Variants in TFAP2D observed in about 807,000 individuals in gnomAD.
The protein encoded by TFAP2D is transcription factor AP-2-delta.
Under a neutral mutation model 43.6 loss-of-function variants are expected in TFAP2D, and 9 were observed. The observed-to-expected ratio is 0.21, with a 90% CI of 0.12 to 0.36. The LOEUF is 0.36. Among genes scored for constraint, TFAP2D ranks in the 10% least tolerant of loss-of-function variants. The probability of loss-of-function intolerance (pLI) is 1.00; values close to 1 mark genes in which losing one functional copy is unlikely to be tolerated. For missense variants in TFAP2D, 513 were observed against 561.4 expected (o/e 0.91, Z 0.87); for synonymous variants, 256 against 224.9 (o/e 1.14, Z -1.24).
At chr6:50,714,594 A>T (rs1181273698) in intron 1 of TFAP2D, among the ~76,000 whole-genome samples, 1 of 152,098 alleles carries the variant, frequency 6.6e-6, no homozygotes, top group Admixed American at 6.5e-5. Flanking sequence ...GATTTTTTAA[A>T]ATATATGGAC....
At position 50,713,814 on chromosome 6, in the gene TFAP2D, A is replaced by G. The variant is rs1409596244; in HGVS notation, c.-242A>G. ...TCAGCCAAAGAAATACTCAGCAAGTACAAAATCTGTTCCAGGGAGCTGCTT... is the reference window on the plus strand; with the variant it reads ...TCAGCCAAAGAAATACTCAGCAAGTGCAAAATCTGTTCCAGGGAGCTGCTT... On this transcript the variant is annotated 5_prime_UTR_variant, in exon 1 of 8. Coordinates refer to ENST00000008391, the MANE Select transcript of TFAP2D (RefSeq NM_172238.4). 1 of 591,510 alleles carries G rather than the reference A, an allele frequency of 1.7e-6. No homozygotes were observed. Among genetic ancestry groups the G allele is most frequent in the Non-Finnish European group, 2.9e-6 (1 of 340,016 alleles). The allele number at this position is 591,510 out of a possible 1,614,324, so 36.6% of individuals were successfully genotyped here.
intron 5 of TFAP2D, among the ~76,000 whole-genome samples, chr6:50,742,628 AGAT>A (rs888060812): frequency 2.8e-5 from 4 of 141,268 alleles, no homozygotes; most frequent in Non-Finnish European, 4.7e-5. Context: ...ATAGATAGAT[AGAT>A]GATAGATAGA....
At chr6:50,728,720 A>T in intron 3 of TFAP2D, 136 bp from the exon 4 acceptor site, 1 of 782,750 alleles carries the variant, frequency 1.3e-6, no homozygotes, top group Non-Finnish European at 2.0e-6. Flanking sequence ...GCTCCCTGCG[A>T]TGATCTGGGG....
chr6:50,753,692 C>T (rs1439832764), intron 7 of TFAP2D, among the ~76,000 whole-genome samples: 1 of 151,816 alleles, frequency 6.6e-6, no homozygotes, highest in Admixed American at 6.6e-5. Context: ...CATGCATAAC[C>T]ATATCTTAAA....
intron 3 of TFAP2D, among the ~76,000 whole-genome samples, chr6:50,727,602 A>G (rs1039372040): frequency 6.6e-6 from 1 of 152,168 alleles, no homozygotes. Flanking sequence ...CAAAGTAAAA[A>G]TATTTTAGAC....
At chr6:50,757,584 T>G (rs1302204882) in intron 7 of TFAP2D, among the ~76,000 whole-genome samples, 8 of 73,954 alleles carry the variant, frequency 1.1e-4, no homozygotes, top group Admixed American at 2.5e-4. Flanking sequence ...ATATATATAA[T>G]TATTCTATAT....
intron 5 of TFAP2D, among the ~76,000 whole-genome samples, chr6:50,744,191 A>T (rs1438560169): frequency 6.6e-6 from 1 of 151,846 alleles, no homozygotes; most frequent in African/African-American, 2.4e-5. Context: ...GATTCTCTCC[A>T]CCCTCCTACT....
At chr6:50,765,375 A>G (rs1486469493) in intron 7 of TFAP2D, among the ~76,000 whole-genome samples, 1 of 152,226 alleles carries the variant, frequency 6.6e-6, no homozygotes, top group Non-Finnish European at 1.5e-5. Context: ...CTTTAGATAT[A>G]TAACCAGAAA....
intron 7 of TFAP2D, among the ~76,000 whole-genome samples, chr6:50,754,522 A>G (rs1472715600): frequency 1.3e-5 from 2 of 152,002 alleles, no homozygotes; most frequent in Non-Finnish European, 2.9e-5. Flanking sequence ...ATATACACCC[A>G]GAAGTCAAAT....
chr6:50,720,994 C>A (rs1235711267), intron 3 of TFAP2D, among the ~76,000 whole-genome samples: 1 of 152,220 alleles, frequency 6.6e-6, no homozygotes, highest in Non-Finnish European at 1.5e-5. Flanking sequence ...GAGGAAGAGG[C>A]TTTGGAATCA....
At chr6:50,719,495 A>C (rs980556659) in intron 3 of TFAP2D, among the ~76,000 whole-genome samples, 21 of 132,724 alleles carry the variant, frequency 1.6e-4, no homozygotes, top group African/African-American at 5.4e-4. Flanking sequence ...GAAAGAAAGA[A>C]AGAAAGAAGT....
At chr6:50,719,036 G>T in intron 2 of TFAP2D, 54 bp from the exon 3 acceptor site, 6 of 1,552,526 alleles carry the variant, frequency 3.9e-6, no homozygotes, top group Non-Finnish European at 4.4e-6. Flanking sequence ...TACCTACGTG[G>T]TCATGCATAT....
chr6:50,724,139 G>A (rs1303986278), intron 3 of TFAP2D, among the ~76,000 whole-genome samples: 2 of 152,030 alleles, frequency 1.3e-5, no homozygotes, highest in Non-Finnish European at 2.9e-5. Context: ...GGGGGAGGAG[G>A]GTTAGGAAGG....
At chr6:50,716,922 A>G (rs1445298281) in intron 2 of TFAP2D, among the ~76,000 whole-genome samples, 1 of 152,260 alleles carries the variant, frequency 6.6e-6, no homozygotes, top group African/African-American at 2.4e-5. Flanking sequence ...CAGTCCCAAC[A>G]AAGAGCCATA....
At chr6:50,744,910 C>T (rs975913307) in intron 5 of TFAP2D, among the ~76,000 whole-genome samples, 197 bp from the exon 6 acceptor site, 1 of 152,130 alleles carries the variant, frequency 6.6e-6, no homozygotes, top group African/African-American at 2.4e-5. Flanking sequence ...AGTCACTTCT[C>T]TGTTCCTCAA....
rs1307166962 is a variant in TFAP2D, at chr6:50,719,169, C to T, written c.598+19C>T. The T allele has an allele frequency of 5.0e-6, 8 of 1,611,202 alleles. No homozygotes were observed. The highest frequency in any genetic ancestry group is 4.0e-5 in the African/African-American group (3 of 74,816). ...AGAAGAGGTAAGTAACAAGTAACAACATGTTAACCCTAGACATTCTTCTCC... is the reference window on the plus strand; with the variant it reads ...AGAAGAGGTAAGTAACAAGTAACAATATGTTAACCCTAGACATTCTTCTCC... On this transcript the variant is annotated intron_variant, in intron 3 of 7. Coordinates refer to ENST00000008391, the MANE Select transcript of TFAP2D (RefSeq NM_172238.4).
In TFAP2D at chr6:50,715,745, T is replaced by TCACACACA. The variant is rs1210122207; in HGVS notation, c.537+133_537+134insACACACAC. The TCACACACA allele has an allele frequency of 3.7e-5, 22 of 598,952 alleles. No individual in the cohort carries two copies. In the African/African-American group the frequency reaches 5.4e-4, roughly 15 times the overall value. 37.1% of individuals were successfully genotyped at this position (598,952 alleles called of 1,614,324 possible). A position where few individuals can be genotyped will look rare whatever the true frequency, so the allele number is the denominator to read the frequency against. ...TCCTCTCTCTCTCTCTCTCTCTCTC[T>TCACACACA]CTCTCACACACACACACACACACAC... On this transcript the variant is annotated intron_variant, in intron 2 of 7. Transcript: ENST00000008391.
intron 3 of TFAP2D, among the ~76,000 whole-genome samples, chr6:50,720,572 A>G (rs1049661659): frequency 6.6e-6 from 1 of 151,534 alleles, no homozygotes; most frequent in Admixed American, 6.6e-5. Context: ...AGATTTTTTA[A>G]ATGAGGAATA....
chr6:50,729,707 T>C (rs974509179), intron 5 of TFAP2D, among the ~76,000 whole-genome samples: 1 of 152,134 alleles, frequency 6.6e-6, no homozygotes, highest in African/African-American at 2.4e-5. Context: ...AATAACCCTT[T>C]ATGAAGAGTT....
Sources: allele counts gnomAD v4.1 joint callset (sites outside exome capture counted in the v4.1 genomes callset), GRCh38; gene constraint gnomAD v4.1.1; transcripts MANE v1.5; gene names NCBI Gene and HGNC (gene_info 2026-07-23, HGNC 2026-07-21).